The following TRPS1 variants were observed in gnomAD, a reference collection of about 807,000 sequenced individuals.
The protein encoded by TRPS1 is zinc finger transcription factor Trps1.
Under a neutral mutation model 101.2 loss-of-function variants are expected in TRPS1, and 6 were observed. That is an observed-to-expected ratio of 0.06 (90% CI 0.03 to 0.12). The LOEUF (loss-of-function observed/expected upper bound fraction) is 0.12. TRPS1 is among the 10% of genes least tolerant of loss of function. The pLI is 1.00. For synonymous variants in TRPS1, 578 were observed against 589.8 expected (o/e 0.98, Z 0.29); for missense variants, 1,363 against 1,567.0 (o/e 0.87, Z 2.20).
chr8:115,435,921 T>C (rs1437082898), intron 5 of TRPS1, among the ~76,000 whole-genome samples: 1 of 151,664 alleles, frequency 6.6e-6, no homozygotes, highest in Non-Finnish European at 1.5e-5. Context: ...AAGAGAACGA[T>C]GCAAGAAAGC....
intron 3 of TRPS1, among the ~76,000 whole-genome samples, chr8:115,612,426 G>A (rs1818191451): frequency 6.6e-6 from 1 of 152,206 alleles, no homozygotes; most frequent in East Asian, 1.9e-4. Flanking sequence ...CTGCTCAAGT[G>A]TTTGGGGCGT....
In TRPS1 at chr8:115,587,617, A is replaced by G. The variant is rs747319474; in HGVS notation, c.2097-13T>C. 9 of 1,613,880 alleles carry G rather than the reference A, an allele frequency of 5.6e-6. No individual in the cohort carries two copies. In the African/African-American group the frequency reaches 8.0e-5, roughly 14 times the overall value. ...GCTGTGTGCTCTCCTGGAGAAGAAG[A>G]AAACAGTTACTGCAAAGACAGCGTT... is the stretch of plus-strand genomic sequence containing the variant. On this transcript the variant is annotated splice_polypyrimidine_tract_variant and intron_variant, in intron 4 of 6. Coordinates refer to ENST00000395715, the MANE Select transcript of TRPS1 (RefSeq NM_014112.5).
intron 2 of TRPS1, among the ~76,000 whole-genome samples, chr8:115,621,126 A>G (rs967127931): frequency 1.8e-4 from 28 of 152,330 alleles, no homozygotes; most frequent in South Asian, 6.2e-4. Flanking sequence ...CTTTAAGAAT[A>G]TAAAATAAAC....
chr8:115,593,967 A>T (rs549363185), intron 4 of TRPS1, among the ~76,000 whole-genome samples: 5 of 152,264 alleles, frequency 3.3e-5, no homozygotes, highest in Middle Eastern at 3.4e-3. Flanking sequence ...AAGCTCACAC[A>T]TCTATTGATT....
intron 5 of TRPS1, among the ~76,000 whole-genome samples, chr8:115,569,870 CTGAT>C (rs766142918): frequency 6.6e-6 from 1 of 151,814 alleles, no homozygotes; most frequent in African/African-American, 2.4e-5. Context: ...AGAAAGAAGA[CTGAT>C]TAAGTTCAAC....
At chr8:115,587,755 G>T in intron 4 of TRPS1, 151 bp from the exon 5 acceptor site, 1 of 1,338,014 alleles carries the variant, frequency 7.5e-7, no homozygotes, top group Non-Finnish European at 1.0e-6. Flanking sequence ...AAACTGGAAT[G>T]TAATTAACAG....
intron 5 of TRPS1, among the ~76,000 whole-genome samples, chr8:115,495,082 C>T (rs1815115307): frequency 6.6e-6 from 1 of 152,128 alleles, no homozygotes; most frequent in Admixed American, 6.6e-5. Flanking sequence ...AGATTTCCAT[C>T]ATTCCCTCTA....
chr8:115,541,617 T>C (rs1310629655), intron 5 of TRPS1, among the ~76,000 whole-genome samples: 5 of 152,178 alleles, frequency 3.3e-5, no homozygotes, highest in African/African-American at 1.2e-4. Flanking sequence ...GACAGTTACA[T>C]AGCCTGCCTT....
intron 5 of TRPS1, among the ~76,000 whole-genome samples, chr8:115,507,282 T>C (rs1815469708): frequency 6.6e-6 from 1 of 152,126 alleles, no homozygotes; most frequent in Admixed American, 6.6e-5. Context: ...AAGTTACAGC[T>C]GATTTTACTC....
At chr8:115,451,191 G>T (rs773220871) in intron 5 of TRPS1, among the ~76,000 whole-genome samples, 1 of 152,080 alleles carries the variant, frequency 6.6e-6, no homozygotes, top group Non-Finnish European at 1.5e-5. Context: ...AAAGAATGGC[G>T]CCCTATAGCT....
At chr8:115,588,998 A>C (rs1817626810) in intron 4 of TRPS1, among the ~76,000 whole-genome samples, 2 of 152,286 alleles carry the variant, frequency 1.3e-5, no homozygotes, top group African/African-American at 4.8e-5. Context: ...AATGAAATGG[A>C]TAGTAATTGG....
chr8:115,615,805 C>CT (rs966880666), intron 3 of TRPS1, among the ~76,000 whole-genome samples: 3 of 151,998 alleles, frequency 2.0e-5, no homozygotes, highest in Non-Finnish European at 4.4e-5. Flanking sequence ...GCTGTAATTA[C>CT]TTTTTTAAGA....
At chr8:115,436,223 T>C (rs965906432) in intron 5 of TRPS1, among the ~76,000 whole-genome samples, 7 of 152,186 alleles carry the variant, frequency 4.6e-5, no homozygotes, top group African/African-American at 1.7e-4. Flanking sequence ...AAACTCTGAC[T>C]TTAGGCATAT....
chr8:115,488,760 T>C (rs1814950364), intron 5 of TRPS1, among the ~76,000 whole-genome samples: 1 of 152,080 alleles, frequency 6.6e-6, no homozygotes, highest in Admixed American at 6.6e-5. Context: ...TTTTCCCTTC[T>C]CACTCAAGAT....
chr8:115,632,481 C>G (rs955843713), intron 1 of TRPS1, among the ~76,000 whole-genome samples: 1 of 152,068 alleles, frequency 6.6e-6, no homozygotes, highest in Non-Finnish European at 1.5e-5. Context: ...CGCGTACACA[C>G]ACAAACACAC....
chr8:115,552,722 C>G (rs1471885167), intron 5 of TRPS1, among the ~76,000 whole-genome samples: 1 of 152,140 alleles, frequency 6.6e-6, no homozygotes, highest in African/African-American at 2.4e-5. Flanking sequence ...ATCAATAACA[C>G]TCTTCTTATA....
At chr8:115,629,424 A>C (rs1222820357) in intron 1 of TRPS1, among the ~76,000 whole-genome samples, 2 of 151,826 alleles carry the variant, frequency 1.3e-5, no homozygotes, top group Non-Finnish European at 2.9e-5. Context: ...CATACAATAA[A>C]ATCCCAGGTG....
chr8:115,466,194 A>AT (rs1411236306), intron 5 of TRPS1, among the ~76,000 whole-genome samples: 11 of 152,116 alleles, frequency 7.2e-5, no homozygotes, highest in African/African-American at 2.7e-4. Context: ...ACTTAAAACA[A>AT]TTTTTTCAAA....
chr8:115,507,213 C>T (rs1278756738), intron 5 of TRPS1, among the ~76,000 whole-genome samples: 2 of 152,032 alleles, frequency 1.3e-5, no homozygotes, highest in African/African-American at 4.8e-5. Context: ...AGGCTGCAAG[C>T]TCGTTCGTTT....
Sources: allele counts gnomAD v4.1 joint callset (sites outside exome capture counted in the v4.1 genomes callset), GRCh38; gene constraint gnomAD v4.1.1; transcripts MANE v1.5; gene names NCBI Gene and HGNC (gene_info 2026-07-23, HGNC 2026-07-21).